LDB2: variants seen among roughly 807,000 people sequenced by gnomAD.
LDB2 encodes LIM domain-binding protein 2.
A neutral mutation model predicts 44.3 loss-of-function variants in LDB2; 12 were observed. The ratio of observed to expected loss-of-function variants is 0.27; its 90% CI spans 0.17 to 0.44. The LOEUF is 0.44. LDB2 is among the 20% of genes least tolerant of loss of function. The probability of loss-of-function intolerance (pLI) is 1.00; values close to 1 mark genes in which losing one functional copy is unlikely to be tolerated. For missense variants in LDB2, 344 were observed against 473.5 expected, an observed-to-expected ratio of 0.73 and a Z score of 2.54; for synonymous variants, 164 against 174.8, an observed-to-expected ratio of 0.94 and a Z score of 0.49.
intron 1 of LDB2, among the ~76,000 whole-genome samples, chr4:16,885,042 G>T (rs971627289): frequency 8.6e-5 from 13 of 151,288 alleles, no homozygotes; most frequent in Non-Finnish European, 1.8e-4. Context: ...CGTGTATGAG[G>T]CTTATTTTTA....
intron 7 of LDB2, among the ~76,000 whole-genome samples, chr4:16,508,058 G>A (rs1365097489): frequency 2.0e-5 from 3 of 152,114 alleles, no homozygotes; most frequent in Non-Finnish European, 4.4e-5. Flanking sequence ...TACATGTTTA[G>A]TGGCTGCTGG....
At chr4:16,678,577 C>A (rs1195745663) in intron 2 of LDB2, among the ~76,000 whole-genome samples, 1 of 152,192 alleles carries the variant, frequency 6.6e-6, no homozygotes, top group African/African-American at 2.4e-5. Context: ...GCCCCCTCCA[C>A]ACTTTACCCC....
At chr4:16,699,822 G>C (rs191974517) in intron 2 of LDB2, among the ~76,000 whole-genome samples, 69 of 152,262 alleles carry the variant, frequency 4.5e-4, no homozygotes, top group Middle Eastern at 6.8e-3. Context: ...GCCTCAGAGG[G>C]ACGAGAATTC....
intron 1 of LDB2, among the ~76,000 whole-genome samples, chr4:16,807,411 A>T (rs1778990534): frequency 6.6e-6 from 1 of 152,236 alleles, no homozygotes; most frequent in South Asian, 2.1e-4. Context: ...GAATACAATG[A>T]AAAACCTGTG....
chr4:16,589,513 T>A (rs898958073), intron 3 of LDB2, among the ~76,000 whole-genome samples: 17 of 152,164 alleles, frequency 1.1e-4, no homozygotes, highest in African/African-American at 2.2e-4. Context: ...TAATGAAACA[T>A]AATAGAATTT....
At chr4:16,658,059 C>A (rs1251109400) in intron 2 of LDB2, among the ~76,000 whole-genome samples, 2 of 152,058 alleles carry the variant, frequency 1.3e-5, no homozygotes, top group Admixed American at 1.3e-4. Flanking sequence ...AACTAGGGCT[C>A]AACTTGATGA....
intron 5 of LDB2, among the ~76,000 whole-genome samples, chr4:16,562,542 C>A (rs888742471): frequency 3.9e-5 from 6 of 152,204 alleles, no homozygotes; most frequent in Admixed American, 2.6e-4. Context: ...GTTACAATGG[C>A]AGTCATTAAA....
At chr4:16,829,749 T>C (rs935678547) in intron 1 of LDB2, among the ~76,000 whole-genome samples, 1 of 152,190 alleles carries the variant, frequency 6.6e-6, no homozygotes, top group African/African-American at 2.4e-5. Context: ...GTACTTCTCA[T>C]CATTTTTTTG....
At chr4:16,674,116 AG>A in intron 2 of LDB2, 1 of 648,176 alleles carries the variant, frequency 1.5e-6, no homozygotes, top group African/African-American at 1.9e-5. Flanking sequence ...GAAGTTGGAA[AG>A]ATTTCCCTGA....
chr4:16,869,022 T>G (rs4698516), intron 1 of LDB2, among the ~76,000 whole-genome samples: 2 of 151,880 alleles, frequency 1.3e-5, no homozygotes, highest in African/African-American at 2.4e-5. Flanking sequence ...GTAGATGATG[T>G]TGATGATGAT....
At chr4:16,730,700 A>G (rs1254319440) in intron 2 of LDB2, among the ~76,000 whole-genome samples, 2 of 152,162 alleles carry the variant, frequency 1.3e-5, no homozygotes, top group African/African-American at 4.8e-5. Context: ...TCATAAGCTC[A>G]CAGACTTGTG....
chr4:16,733,008 T>C (rs1445835471), intron 2 of LDB2, among the ~76,000 whole-genome samples: 2 of 152,106 alleles, frequency 1.3e-5, no homozygotes, highest in African/African-American at 4.8e-5. Context: ...CAAATCACAA[T>C]TGGGAGAACT....
At position 16,852,993 on chromosome 4, in the gene LDB2, T is replaced by C. The variant is rs77193150; in HGVS notation, c.132+45361A>G. Among the ~76,000 whole-genome samples the C allele has an allele frequency of 7.5e-3, 1,141 of 152,298 alleles. 6 individuals are homozygous for C. The highest frequency in any genetic ancestry group is 0.013 in the Non-Finnish European group (876 of 68,010). ...TAACAGTTTAGGTAGGCATCACTTC[T>C]CATTAGAAAGCAACCAAAAGAAAGC... On this transcript the variant is annotated intron_variant, in intron 1 of 7. Transcript: ENST00000304523.
At chr4:16,610,522 G>A (rs1238183215) in intron 2 of LDB2, among the ~76,000 whole-genome samples, 1 of 152,154 alleles carries the variant, frequency 6.6e-6, no homozygotes, top group East Asian at 1.9e-4. Flanking sequence ...GAACATAAAT[G>A]ACCTGATAGA....
intron 1 of LDB2, among the ~76,000 whole-genome samples, chr4:16,797,364 G>A (rs1017459740): frequency 1.3e-5 from 2 of 152,090 alleles, no homozygotes; most frequent in African/African-American, 4.8e-5. Flanking sequence ...ATCAGACTAA[G>A]ATCATACTAA....
At chr4:16,517,649 T>C (rs1724274887) in intron 5 of LDB2, among the ~76,000 whole-genome samples, 1 of 152,160 alleles carries the variant, frequency 6.6e-6, no homozygotes, top group Non-Finnish European at 1.5e-5. Context: ...GATCCCTCTT[T>C]GAATATAAAA....
intron 2 of LDB2, among the ~76,000 whole-genome samples, chr4:16,609,408 TG>T (rs1724988461): frequency 6.7e-6 from 1 of 149,554 alleles, no homozygotes; most frequent in Admixed American, 6.6e-5. Flanking sequence ...TTGAGCTCCT[TG>T]GGGGAGGGGC....
At chr4:16,586,528 A>C (rs199540422) in intron 4 of LDB2, among the ~76,000 whole-genome samples, 2,116 of 69,242 alleles carry the variant, frequency 0.031, 22 homozygotes, top group African/African-American at 0.056. Context: ...ACACACACAA[A>C]ACACACACAC....
intron 7 of LDB2, among the ~76,000 whole-genome samples, chr4:16,505,636 C>T (rs550257695): frequency 3.3e-5 from 5 of 151,160 alleles, no homozygotes; most frequent in Non-Finnish European, 5.9e-5. Flanking sequence ...AAAAATCCCC[C>T]CAACATTGGC....
Sources: allele counts gnomAD v4.1 joint callset (sites outside exome capture counted in the v4.1 genomes callset), GRCh38; gene constraint gnomAD v4.1.1; transcripts MANE v1.5; gene names NCBI Gene and HGNC (gene_info 2026-07-23, HGNC 2026-07-21).